Variants in DOCK3 observed in about 807,000 individuals in gnomAD.
DOCK3 encodes the protein dedicator of cytokinesis 3, also known as dedicator of cytokinesis protein 3.
DOCK3 carries 60 observed loss-of-function variants against 265.6 expected under a neutral mutation model. The ratio of observed to expected loss-of-function variants is 0.23; its 90% CI spans 0.18 to 0.28. The LOEUF is 0.28. Among genes scored for constraint, DOCK3 ranks in the 10% least tolerant of loss-of-function variants. The probability of loss-of-function intolerance (pLI) is 1.00; values close to 1 mark genes in which losing one functional copy is unlikely to be tolerated. For missense variants in DOCK3, 1,981 were observed against 2,594.3 expected, an observed-to-expected ratio of 0.76 and a Z score of 5.14; for synonymous variants, 881 against 938.0, an observed-to-expected ratio of 0.94 and a Z score of 1.11.
intron 2 of DOCK3, among the ~76,000 whole-genome samples, chr3:50,838,677 A>G (rs2045651200): frequency 6.6e-6 from 1 of 152,240 alleles, no homozygotes; most frequent in South Asian, 2.1e-4. Context: ...GTAAATTGAC[A>G]TTTGGAAGAT....
chr3:51,184,408 A>G (rs2087478523), intron 12 of DOCK3, among the ~76,000 whole-genome samples: 2 of 152,128 alleles, frequency 1.3e-5, no homozygotes, highest in Non-Finnish European at 2.9e-5. Flanking sequence ...AATGATCCTG[A>G]AGCAGAAAGT....
At chr3:51,135,151 C>T (rs1178279090) in intron 9 of DOCK3, among the ~76,000 whole-genome samples, 1 of 152,270 alleles carries the variant, frequency 6.6e-6, no homozygotes, top group East Asian at 1.9e-4. Context: ...ACAGAGACCT[C>T]GAATTCAGTA....
At chr3:50,821,771 T>C (rs2044450005) in intron 2 of DOCK3, among the ~76,000 whole-genome samples, 1 of 152,210 alleles carries the variant, frequency 6.6e-6, no homozygotes, top group Admixed American at 6.5e-5. Flanking sequence ...CATTGCTTGT[T>C]TTTGTCAGCC....
chr3:50,803,220 A>G (rs1170880192), intron 2 of DOCK3, among the ~76,000 whole-genome samples: 3 of 152,116 alleles, frequency 2.0e-5, no homozygotes, highest in African/African-American at 7.2e-5. Context: ...AGGACCCTGC[A>G]GCCTTCTGCA....
At chr3:51,134,998 A>T (rs1342253785) in intron 9 of DOCK3, among the ~76,000 whole-genome samples, 1 of 152,148 alleles carries the variant, frequency 6.6e-6, no homozygotes, top group Non-Finnish European at 1.5e-5. Flanking sequence ...CCTGGTGCGC[A>T]AAAAAACACT....
intron 5 of DOCK3, among the ~76,000 whole-genome samples, chr3:51,061,564 G>A (rs989024980): frequency 2.6e-5 from 4 of 152,026 alleles, no homozygotes; most frequent in Non-Finnish European, 5.9e-5. Flanking sequence ...GCCTGATGTG[G>A]GGTGGGGAGA....
intron 5 of DOCK3, among the ~76,000 whole-genome samples, chr3:51,004,881 T>A (rs544972078): frequency 4.9e-4 from 73 of 149,432 alleles, no homozygotes; most frequent in African/African-American, 1.7e-3. Flanking sequence ...CATTCAGGCC[T>A]ACACATCTTT....
At chr3:50,859,465 C>A (rs569875280) in intron 3 of DOCK3, among the ~76,000 whole-genome samples, 4 of 152,020 alleles carry the variant, frequency 2.6e-5, no homozygotes, top group African/African-American at 2.4e-5. Flanking sequence ...ATCCACCCCC[C>A]TCGGCCTCCC....
chr3:50,866,815 C>A (rs2047167929), intron 3 of DOCK3, among the ~76,000 whole-genome samples: 1 of 152,108 alleles, frequency 6.6e-6, no homozygotes, highest in South Asian at 2.1e-4. Flanking sequence ...CAATACCATG[C>A]TCTTTTGGTT....
chr3:51,208,145 G>A (rs1468213847), intron 12 of DOCK3, among the ~76,000 whole-genome samples: 1 of 152,138 alleles, frequency 6.6e-6, no homozygotes, highest in Non-Finnish European at 1.5e-5. Context: ...TTATTCCTAG[G>A]AAGAAACTTT....
chr3:50,987,690 G>A (rs2077952085), intron 5 of DOCK3, among the ~76,000 whole-genome samples: 1 of 152,174 alleles, frequency 6.6e-6, no homozygotes, highest in African/African-American at 2.4e-5. Context: ...TTTGACGCAT[G>A]GAGAACGAAG....
intron 5 of DOCK3, among the ~76,000 whole-genome samples, chr3:51,004,451 G>C (rs1234910883): frequency 1.3e-5 from 2 of 152,020 alleles, no homozygotes; most frequent in African/African-American, 4.8e-5. Context: ...TGATTTCCAG[G>C]CTCTAAGTTG....
At chr3:51,193,909 C>T in intron 12 of DOCK3, among the ~76,000 whole-genome samples, 1 of 141,596 alleles carries the variant, frequency 7.1e-6, no homozygotes, top group African/African-American at 2.6e-5. Context: ...TGTTTTTCTT[C>T]AGTCTCTATT....
In DOCK3 at chr3:51,106,827, C is replaced by T. The variant is rs546024233; in HGVS notation, c.746+16443C>T. Among the ~76,000 whole-genome samples, 496 of 152,350 alleles carry T rather than the reference C, an allele frequency of 3.3e-3. 7 individuals carry two copies. The highest frequency in any genetic ancestry group is 0.011 in the African/African-American group (448 of 41,588). On this transcript the variant is annotated intron_variant, in intron 9 of 52. Coordinates refer to ENST00000266037, the MANE Select transcript of DOCK3 (RefSeq NM_004947.5). The stretch of plus-strand genomic sequence containing the variant: ...TCAAATGCTTGAATGGAAGCTGGCA[C>T]CTCAGTACCCACTAGCACCCTGCCC...
At chr3:51,380,446 C>T (rs2110628888) in intron 52 of DOCK3, among the ~76,000 whole-genome samples, 1 of 152,316 alleles carries the variant, frequency 6.6e-6, no homozygotes, top group Non-Finnish European at 1.5e-5. Flanking sequence ...ACACACAGTA[C>T]CAAGAGTGTG....
At chr3:50,725,424 A>G (rs2037756301) in intron 1 of DOCK3, among the ~76,000 whole-genome samples, 2 of 152,232 alleles carry the variant, frequency 1.3e-5, no homozygotes, top group Non-Finnish European at 2.9e-5. Context: ...TCTATTAACC[A>G]AAAACAAAGG....
intron 12 of DOCK3, among the ~76,000 whole-genome samples, chr3:51,183,059 GA>G (rs1356445657): frequency 2.0e-5 from 3 of 152,166 alleles, no homozygotes; most frequent in Non-Finnish European, 4.4e-5. Flanking sequence ...CATAAGGCAT[GA>G]ACCCTAATTC....
chr3:50,719,788 C>T (rs2037358998), intron 1 of DOCK3: 2 of 854,918 alleles, frequency 2.3e-6, no homozygotes, highest in Admixed American at 3.4e-5. Flanking sequence ...AAGTCACTAC[C>T]CTGACACATA....
chr3:50,843,703 A>G (rs182940895), intron 3 of DOCK3, among the ~76,000 whole-genome samples: 1 of 152,204 alleles, frequency 6.6e-6, no homozygotes, highest in East Asian at 1.9e-4. Context: ...TGGTATTCAG[A>G]GATTGTATAT....
Sources: allele counts gnomAD v4.1 joint callset (sites outside exome capture counted in the v4.1 genomes callset), GRCh38; gene constraint gnomAD v4.1.1; transcripts MANE v1.5; gene names NCBI Gene and HGNC (gene_info 2026-07-23, HGNC 2026-07-21).